Variants in LINGO2 observed in about 807,000 individuals in gnomAD.
LINGO2 encodes leucine-rich repeat and immunoglobulin-like domain-containing nogo receptor-interacting protein 2.
A neutral mutation model predicts 30.6 loss-of-function variants in LINGO2; 14 were observed. The observed-to-expected ratio is 0.46, with a 90% CI of 0.30 to 0.72. LINGO2 has a LOEUF of 0.72. Among genes scored for constraint, LINGO2 ranks in the 30% least tolerant of loss-of-function variants. The pLI is 0.07. For missense variants in LINGO2, 729 were observed against 751.7 expected, an observed-to-expected ratio of 0.97 and a Z score of 0.35; for synonymous variants, 317 against 288.5, an observed-to-expected ratio of 1.10 and a Z score of -1.00.
chr9:28,446,605 G>C (rs911115719), intron 2 of LINGO2, among the ~76,000 whole-genome samples: 3 of 151,960 alleles, frequency 2.0e-5, no homozygotes, highest in African/African-American at 7.3e-5. Flanking sequence ...CACTAATCTT[G>C]ATCCCTTTTG....
intron 4 of LINGO2, among the ~76,000 whole-genome samples, chr9:28,167,420 G>T (rs1828462377): frequency 6.6e-6 from 1 of 152,124 alleles, no homozygotes; most frequent in African/African-American, 2.4e-5. Context: ...TCCCTCTGTT[G>T]CCCCAGCTAT....
At position 28,202,130 on chromosome 9, in the gene LINGO2, C is replaced by T. The variant is rs78971489; in HGVS notation, c.-87+93078G>A. ...CAAATTTCCCCTTTTTATAAGAACA[C>T]CAGTCATATTATAATACAGTCCTCC... On this transcript the variant is annotated intron_variant, in intron 4 of 5. Coordinates refer to ENST00000379992, the Ensembl canonical transcript of LINGO2. 2.0e-5 allele frequency among the ~76,000 whole-genome samples: 3 copies of T among 152,208 alleles called. No individual in the cohort carries two copies. The East Asian group carries it at 5.8e-4, about 29-fold the overall frequency.
chr9:27,945,241 CCT>C (rs1444311125), downstream of LINGO2, among the ~76,000 whole-genome samples: 1 of 151,992 alleles, frequency 6.6e-6, no homozygotes, highest in Non-Finnish European at 1.5e-5. Context: ...CTCTTTTGTT[CCT>C]CTGATATAAA....
chr9:28,988,783 C>A, the LINGO2 span, among the ~76,000 whole-genome samples: 1 of 152,204 alleles, frequency 6.6e-6, no homozygotes, highest in Non-Finnish European at 1.5e-5. Context: ...ATCGTGCCTA[C>A]CTGGGGGAGT....
chr9:28,967,795 T>C, the LINGO2 span, among the ~76,000 whole-genome samples: 1 of 152,184 alleles, frequency 6.6e-6, no homozygotes, highest in Non-Finnish European at 1.5e-5. Context: ...GTAAGATGTA[T>C]AGCATACAAT....
At chr9:28,648,611 T>C (rs1827947781) in intron 1 of LINGO2, among the ~76,000 whole-genome samples, 1 of 152,172 alleles carries the variant, frequency 6.6e-6, no homozygotes, top group South Asian at 2.1e-4. Flanking sequence ...TTAATTTTCA[T>C]ATCCAATCAT....
chr9:28,560,665 A>G lies in LINGO2; in HGVS notation c.-364-84640T>C, dbSNP rs539219183. 2.1e-4 allele frequency among the ~76,000 whole-genome samples: 32 copies of G among 151,650 alleles called. 1 individual carries two copies. The highest frequency in any genetic ancestry group is 1.6e-3 in the Admixed American group (24 of 15,208). ...TGGCGTTTTTATTTTTTACAATTTT[A>G]TTTATTTATATATTTTTTTGAGACA... On this transcript the variant is annotated intron_variant, in intron 1 of 5. Coordinates refer to ENST00000379992, the Ensembl canonical transcript of LINGO2.
chr9:29,071,369 A>C, the LINGO2 span, among the ~76,000 whole-genome samples: 1 of 150,318 alleles, frequency 6.7e-6, no homozygotes, highest in Non-Finnish European at 1.5e-5. Context: ...AGTCATTTTA[A>C]ATATATAACA....
the LINGO2 span, among the ~76,000 whole-genome samples, chr9:28,792,983 T>C: frequency 4.6e-5 from 7 of 152,090 alleles, no homozygotes; most frequent in East Asian, 7.7e-4. Context: ...GCAAGAAAAA[T>C]AGTCAGTGCA....
chr9:28,206,125 A>C (rs1424408256), intron 4 of LINGO2, among the ~76,000 whole-genome samples: 1 of 139,228 alleles, frequency 7.2e-6, no homozygotes, highest in Non-Finnish European at 1.5e-5. Flanking sequence ...AGATCATGCC[A>C]CTGCATTCCA....
intron 1 of LINGO2, among the ~76,000 whole-genome samples, chr9:28,612,735 A>G (rs1825973337): frequency 6.6e-6 from 1 of 152,040 alleles, no homozygotes; most frequent in Non-Finnish European, 1.5e-5. Context: ...GAGACTTTGG[A>G]CTTGGACTTT....
chr9:28,881,429 T>C, the LINGO2 span, among the ~76,000 whole-genome samples: 1 of 152,146 alleles, frequency 6.6e-6, no homozygotes, highest in Non-Finnish European at 1.5e-5. Flanking sequence ...GGTCAGAATA[T>C]TCTATTTTAA....
At chr9:28,817,868 T>A in the LINGO2 span, among the ~76,000 whole-genome samples, 2 of 152,216 alleles carry the variant, frequency 1.3e-5, no homozygotes, top group African/African-American at 2.4e-5. Context: ...TGCCATTTTA[T>A]GTAACATACT....
intron 2 of LINGO2, among the ~76,000 whole-genome samples, chr9:28,433,396 C>T (rs991268774): frequency 1.3e-5 from 2 of 152,056 alleles, no homozygotes; most frequent in Admixed American, 6.6e-5. Context: ...TATCAGGCAT[C>T]ATGCTGAGCC....
rs370051586 is a variant in LINGO2, at chr9:28,351,929, A to G, written c.-246+20907T>C. Among the ~76,000 whole-genome samples, 1,405 of 146,804 alleles carry G rather than the reference A, an allele frequency of 9.6e-3. 21 individuals carry two copies. Among genetic ancestry groups the G allele is most frequent in the African/African-American group, 0.033 (1,306 of 39,568 alleles). On this transcript the variant is annotated intron_variant, in intron 3 of 5. Transcript: ENST00000379992. ...TGATTATCTCAATAGATGCAGAAAA[A>G]GCCTTTGACAAAATTCAACAACCCT... is the stretch of plus-strand genomic sequence containing the variant.
the LINGO2 span, among the ~76,000 whole-genome samples, chr9:28,991,066 C>A: frequency 2.0e-5 from 3 of 152,182 alleles, no homozygotes; most frequent in East Asian, 3.9e-4. Flanking sequence ...CAAACTACTC[C>A]GAGCTACAGG....
the LINGO2 span, among the ~76,000 whole-genome samples, chr9:28,979,559 G>A: frequency 9.9e-5 from 15 of 151,938 alleles, no homozygotes; most frequent in Non-Finnish European, 1.3e-4. Flanking sequence ...TCAAGGCCCC[G>A]TATATTCCAA....
At chr9:28,977,250 T>C in the LINGO2 span, among the ~76,000 whole-genome samples, 1 of 152,092 alleles carries the variant, frequency 6.6e-6, no homozygotes, top group African/African-American at 2.4e-5. Flanking sequence ...ATAAGGGGCA[T>C]TTGTCTATAT....
intron 4 of LINGO2, among the ~76,000 whole-genome samples, chr9:28,264,347 C>T (rs1434525775): frequency 6.6e-6 from 1 of 151,826 alleles, no homozygotes; most frequent in Non-Finnish European, 1.5e-5. Context: ...ATTAGGGGTA[C>T]TAATTTAATA....
Sources: allele counts gnomAD v4.1 joint callset (sites outside exome capture counted in the v4.1 genomes callset), GRCh38; gene constraint gnomAD v4.1.1; transcripts MANE v1.5; gene names NCBI Gene and HGNC (gene_info 2026-07-23, HGNC 2026-07-21).